ZNF813: variants seen among roughly 807,000 people sequenced by gnomAD.
ZNF813 encodes zinc finger protein 813.
Under a neutral mutation model 7.2 loss-of-function variants are expected in ZNF813, and 3 were observed. The ratio of observed to expected loss-of-function variants is 0.42; its 90% CI spans 0.19 to 1.08. The LOEUF (loss-of-function observed/expected upper bound fraction) is 1.08. ZNF813 is among the 50% of genes least tolerant of loss of function. The pLI, the probability that ZNF813 is intolerant of heterozygous loss-of-function variation, is 0.30. For synonymous variants in ZNF813, 227 were observed against 256.3 expected (o/e 0.89, Z 1.09); for missense variants, 714 against 753.3 (o/e 0.95, Z 0.61).
chr19:53,470,811 T>C (rs916215796), intron 1 of ZNF813, among the ~76,000 whole-genome samples: 1 of 151,896 alleles, frequency 6.6e-6, no homozygotes, highest in African/African-American at 2.4e-5. Context: ...ACTTTCTACA[T>C]ACTCCTCCTT....
chr19:53,469,056 C>T (rs2708723), intron 1 of ZNF813, among the ~76,000 whole-genome samples: 65,578 of 150,536 alleles, frequency 0.44, 13,946 homozygotes, highest in Non-Finnish European at 0.44. Flanking sequence ...CCCTGGTTAA[C>T]TGAGAATGGA....
rs2086456652 is a variant in ZNF813 at position 53,490,808 on chromosome 19, T to C, written c.576T>C (p.Tyr192=). 3.7e-6 allele frequency: 6 copies of C among 1,614,196 alleles called. No individual in the cohort carries two copies. The highest frequency in any genetic ancestry group is 5.1e-6 in the Non-Finnish European group (6 of 1,180,032). The change falls in exon 4 of 4, where the codon TAT becomes TAC. Residue 192 remains tyrosine, a synonymous_variant. Coordinates refer to ENST00000396403, the MANE Select transcript of ZNF813 (RefSeq NM_001004301.4). ...CRPKTHISNN[Y]GNNFRNSSLL... Reference sequence around the variant, plus strand: ...CCAAAACCCATATTTCTAATAACTATGGGAATAATTTCCGGAATTCTTCGT... The same window carrying C: ...CCAAAACCCATATTTCTAATAACTACGGGAATAATTTCCGGAATTCTTCGT...
At position 53,479,623 on chromosome 19, in the gene ZNF813, G is replaced by A. The variant is rs575031024; in HGVS notation, c.-73-4127G>A. The stretch of plus-strand genomic sequence containing the variant: ...TGATGAGAGTGAGAGAGATACAAAG[G>A]TTATTGAAATCTGGGCCTTAAAAGA... On this transcript the variant is annotated intron_variant, in intron 1 of 3. Coordinates refer to ENST00000396403, the MANE Select transcript of ZNF813 (RefSeq NM_001004301.4). 1.0e-4 allele frequency: 124 copies of A among 1,217,920 alleles called. 2 individuals carry two copies. In the South Asian group the frequency reaches 1.4e-3, roughly 13 times the overall value. The allele number at this position is 1,217,920 out of a possible 1,614,324, so 75.4% of individuals were successfully genotyped here.
rs768386338 is a variant in ZNF813, at chr19:53,490,712, T to C, written c.480T>C (p.Ile160=). The part of the protein sequence containing the change: ...ELHMFQTQGK[I]GNQVEKSIND... The stretch of plus-strand genomic sequence containing the variant: ...ACATGTTTCAGACCCAAGGGAAAAT[T>C]GGTAATCAAGTGGAGAAGTCTATCA... Residue 160 remains isoleucine (I), a synonymous_variant, in exon 4 of 4, where the codon ATT becomes ATC. Coordinates refer to ENST00000396403, the MANE Select transcript of ZNF813 (RefSeq NM_001004301.4). 6 of 1,614,032 alleles carry C rather than the reference T, an allele frequency of 3.7e-6. No individual in the cohort carries two copies. In the Admixed American group the frequency reaches 1.0e-4, roughly 27 times the overall value.
At chr19:53,470,739 AG>A (rs1318121340) in intron 1 of ZNF813, among the ~76,000 whole-genome samples, 3 of 151,066 alleles carry the variant, frequency 2.0e-5, no homozygotes, top group African/African-American at 7.3e-5. Flanking sequence ...TTATTCTTGC[AG>A]TTATTTCTAT....
At position 53,491,372 on chromosome 19, in the gene ZNF813, GAAACCTTAT is replaced by G. The variant is rs779175670; in HGVS notation, c.1143_1151del (p.Pro382_Lys384del). 1.2e-5 allele frequency: 19 copies of G among 1,613,090 alleles called. 1 individual carries two copies. The South Asian group carries it at 2.0e-4, about 17-fold the overall frequency. On this transcript the variant is annotated inframe_deletion, in exon 4 of 4. Coordinates refer to ENST00000396403, the MANE Select transcript of ZNF813 (RefSeq NM_001004301.4). ...GCCATCATAGACTTCATACGGGAGAGAAACCTTATAAGTGTAATGAATGTGGCAAGACCT... is the reference window on the plus strand; with the variant it reads ...GCCATCATAGACTTCATACGGGAGAGAAGTGTAATGAATGTGGCAAGACCT...
At chr19:53,474,175 T>C (rs2086371892) in intron 1 of ZNF813, among the ~76,000 whole-genome samples, 1 of 152,170 alleles carries the variant, frequency 6.6e-6, no homozygotes, top group Non-Finnish European at 1.5e-5. Flanking sequence ...CTTTAACCTA[T>C]CTTGAAAAAG....
Position 53,490,450 on chromosome 19 carries a change from C to T in ZNF813, c.218C>T (p.Thr73Ile), listed in dbSNP as rs977245576. Residue 73 changes from threonine to isoleucine, a missense_variant, in exon 4 of 4, where the codon ACA (threonine) becomes ATA (isoleucine). Thr to Ile is a moderately conservative substitution (Grantham distance 89). Coordinates refer to ENST00000396403, the MANE Select transcript of ZNF813 (RefSeq NM_001004301.4). ...AATAGAGAAGTGATCCACACAGGGA[C>T]ATTGCAAAGACATGAAAGTCATCAC... is the stretch of plus-strand genomic sequence containing the variant. ...QGNREVIHTG[T>I]LQRHESHHTG... is the part of the protein sequence containing the mutation. The T allele has an allele frequency of 1.2e-6, 2 of 1,614,000 alleles. No homozygotes were observed. Among genetic ancestry groups the T allele is most frequent in the African/African-American group, 1.3e-5 (1 of 74,906 alleles).
intron 1 of ZNF813, among the ~76,000 whole-genome samples, chr19:53,474,474 G>A (rs1050039873): frequency 1.3e-5 from 2 of 152,098 alleles, no homozygotes; most frequent in African/African-American, 4.8e-5. Context: ...AGATCATGAG[G>A]TCCGGAGTTC....
intron 2 of ZNF813, among the ~76,000 whole-genome samples, chr19:53,486,269 A>C (rs115816366): frequency 0.012 from 1,802 of 152,194 alleles, 34 homozygotes; most frequent in African/African-American, 0.041. Context: ...CAATATTGTG[A>C]AAACCCGTTT....
intron 1 of ZNF813, among the ~76,000 whole-genome samples, chr19:53,475,774 C>T (rs568967700): frequency 9.9e-4 from 151 of 152,300 alleles, no homozygotes; most frequent in Non-Finnish European, 1.5e-3. Flanking sequence ...GGCGATGCCA[C>T]GATCCTATAA....
At chr19:53,483,186 A>G (rs2086417541) in intron 1 of ZNF813, among the ~76,000 whole-genome samples, 1 of 151,942 alleles carries the variant, frequency 6.6e-6, no homozygotes, top group Non-Finnish European at 1.5e-5. Flanking sequence ...CTAGTATTAC[A>G]GGCACGAGCC....
rs773134683 is a variant in ZNF813, at chr19:53,495,854, C to T, written c.*3768C>T. The T allele has an allele frequency of 8.9e-5, 17 of 191,336 alleles. No individual in the cohort carries two copies. The highest frequency in any genetic ancestry group is 1.5e-4 in the Admixed American group (3 of 19,394). 11.9% of individuals were successfully genotyped at this position (191,336 alleles called of 1,614,324 possible). A position where few individuals can be genotyped will look rare whatever the true frequency, so the allele number is the denominator to read the frequency against. On this transcript the variant is annotated 3_prime_UTR_variant, in exon 4 of 4. Coordinates refer to ENST00000396403, the MANE Select transcript of ZNF813 (RefSeq NM_001004301.4). ...AGCCCCTTCTCTTCCTGTCTCCTCTCGTGGTGTGTACTTGACTCCCCTTCT... is the reference window on the plus strand; with the variant it reads ...AGCCCCTTCTCTTCCTGTCTCCTCTTGTGGTGTGTACTTGACTCCCCTTCT...
chr19:53,485,527 G>T (rs1169317230), intron 2 of ZNF813, among the ~76,000 whole-genome samples: 1 of 150,754 alleles, frequency 6.6e-6, no homozygotes, highest in Non-Finnish European at 1.5e-5. Flanking sequence ...GTCTCTGTAG[G>T]TTTCATTATT....
intron 3 of ZNF813, 38 bp from the exon 4 acceptor site, chr19:53,490,337 T>A: frequency 6.2e-7 from 1 of 1,606,900 alleles, no homozygotes. Context: ...TTACCATCTG[T>A]ACTGAACTGG....
At chr19:53,473,686 A>G (rs115841269) in intron 1 of ZNF813, among the ~76,000 whole-genome samples, 1,572 of 152,316 alleles carry the variant, frequency 0.01, 30 homozygotes, top group African/African-American at 0.035. Context: ...GATCTGTCAG[A>G]CTTATCGGCA....
rs34920971 is a variant in ZNF813 at position 53,468,219 on chromosome 19, G to GCCCCCCCCC, written c.-74+435_-74+443dup. Among the ~76,000 whole-genome samples, 7 of 52,962 alleles carry GCCCCCCCCC rather than the reference G, an allele frequency of 1.3e-4. 1 individual carries two copies. The highest frequency in any genetic ancestry group is 1.7e-4 in the Admixed American group (1 of 5,794). The allele number at this position is 52,962 out of a possible 152,430, so 34.7% of individuals were successfully genotyped here. Reference sequence around the variant, plus strand: ...CACCCTTGTCTTAAGGCGCCCTCGCGCCCCCCCCCCCCCACCTCCCTCCTC... The same window carrying GCCCCCCCCC: ...CACCCTTGTCTTAAGGCGCCCTCGCGCCCCCCCCCCCCCCCCCCCCCCACCTCCCTCCTC... On this transcript the variant is annotated intron_variant, in intron 1 of 3. Transcript: ENST00000396403.
In ZNF813 at chr19:53,490,904, T is replaced by C. The variant is rs1355367254; in HGVS notation, c.672T>C (p.Phe224=). The change falls in exon 4 of 4, where the codon TTT becomes TTC. Residue 224 remains phenylalanine (F), a synonymous_variant. Coordinates refer to ENST00000396403, the MANE Select transcript of ZNF813 (RefSeq NM_001004301.4). ...SFQCNESGKA[F]NYSSLLRKHQ... ...AATGTAATGAGAGTGGCAAAGCCTT[T>C]AATTATAGCTCACTCTTAAGGAAAC... The C allele has an allele frequency of 6.2e-7, 1 of 1,614,140 alleles. No homozygotes were observed. Among genetic ancestry groups the C allele is most frequent in the Non-Finnish European group, 8.5e-7 (1 of 1,179,982 alleles).
chr19:53,489,404 A>C (rs2952719), intron 3 of ZNF813, among the ~76,000 whole-genome samples: 119,195 of 151,876 alleles, frequency 0.78, 47,314 homozygotes, highest in African/African-American at 0.91. Flanking sequence ...AAGTTCGACC[A>C]CAGCCTGGCC....
Sources: allele counts gnomAD v4.1 joint callset (sites outside exome capture counted in the v4.1 genomes callset), GRCh38; gene constraint gnomAD v4.1.1; transcripts MANE v1.5; gene names NCBI Gene and HGNC (gene_info 2026-07-23, HGNC 2026-07-21).